The following ATRN variants were observed in gnomAD, a reference collection of about 807,000 sequenced individuals.
ATRN encodes attractin, also known as attractin-2.
In ATRN, 54 loss-of-function variants were observed where a neutral mutation model predicts 178.7. That is an observed-to-expected ratio of 0.30 (90% CI 0.24 to 0.38). The LOEUF is 0.38. Ranked by LOEUF, ATRN falls within the 10% of genes least tolerant of loss-of-function variation. The pLI, the probability that ATRN is intolerant of heterozygous loss-of-function variation, is 1.00. For synonymous variants in ATRN, 636 were observed against 663.0 expected, an observed-to-expected ratio of 0.96 and a Z score of 0.63; for missense variants, 1,443 against 1,815.1, an observed-to-expected ratio of 0.79 and a Z score of 3.73.
chr20:3,525,579 C>G (rs910860939), intron 1 of ATRN, among the ~76,000 whole-genome samples: 2 of 152,162 alleles, frequency 1.3e-5, no homozygotes, highest in African/African-American at 4.8e-5. Context: ...ACACCAAAAC[C>G]TGGCAGAGAC....
intron 25 of ATRN, among the ~76,000 whole-genome samples, chr20:3,631,051 A>C (rs2086986596): frequency 6.9e-6 from 1 of 145,572 alleles, no homozygotes; most frequent in Non-Finnish European, 1.5e-5. Context: ...GGTCTCAAGC[A>C]GTCCTCCTCA....
intron 24 of ATRN, among the ~76,000 whole-genome samples, chr20:3,613,894 A>G (rs6115962): frequency 0.015 from 2,308 of 151,774 alleles, 61 homozygotes; most frequent in African/African-American, 0.053. Flanking sequence ...ATTTTTTTAA[A>G]GCAAAGTAAC....
intron 1 of ATRN, among the ~76,000 whole-genome samples, chr20:3,525,937 C>G (rs1407468466): frequency 6.6e-6 from 1 of 152,156 alleles, no homozygotes; most frequent in Non-Finnish European, 1.5e-5. Context: ...GACCCACAGC[C>G]AATATCATAC....
intron 1 of ATRN, chr20:3,490,234 T>C: frequency 6.6e-7 from 1 of 1,516,508 alleles, no homozygotes; most frequent in East Asian, 2.3e-5. Context: ...CAGATTTCAA[T>C]CTGTCCAAAC....
intron 18 of ATRN, among the ~76,000 whole-genome samples, chr20:3,589,872 GC>G (rs1379239094): frequency 6.6e-6 from 1 of 152,198 alleles, no homozygotes; most frequent in South Asian, 2.1e-4. Flanking sequence ...TGTGGCAAGT[GC>G]CTCCCAGCCT....
chr20:3,617,643 A>AC (rs1365169714), intron 24 of ATRN, among the ~76,000 whole-genome samples: 9 of 152,062 alleles, frequency 5.9e-5, no homozygotes, highest in Non-Finnish European at 8.8e-5. Flanking sequence ...ATATAGTGAG[A>AC]CCCCCATCCC....
intron 23 of ATRN, among the ~76,000 whole-genome samples, chr20:3,603,059 A>G (rs143969576): frequency 1.3e-5 from 2 of 151,582 alleles, no homozygotes; most frequent in East Asian, 3.9e-4. Flanking sequence ...GGTCTAACTC[A>G]GACATGGAAA....
At chr20:3,604,372 G>T in intron 24 of ATRN, 110 bp downstream of exon 24, 1 of 1,306,026 alleles carries the variant, frequency 7.7e-7, no homozygotes, top group South Asian at 1.5e-5. Flanking sequence ...ATGTGGCTTT[G>T]CCTTTGTAAC....
chr20:3,576,847 A>G lies in ATRN; in HGVS notation c.2215-12A>G, dbSNP rs1407249632. On this transcript the variant is annotated splice_polypyrimidine_tract_variant and intron_variant, in intron 13 of 28. Transcript: ENST00000262919. ...GGATACAAAAGAAAAGCTTTTGTCC[A>G]CTGTGTTCTAGATCTCCATTTTTAG... The G allele has an allele frequency of 1.2e-6, 2 of 1,613,192 alleles. No individual in the cohort carries two copies. The highest frequency in any genetic ancestry group is 2.7e-5 in the African/African-American group (2 of 74,884).
chr20:3,503,592 A>G (rs2084993700), intron 1 of ATRN, among the ~76,000 whole-genome samples: 3 of 152,174 alleles, frequency 2.0e-5, no homozygotes, highest in Non-Finnish European at 2.9e-5. Context: ...AACAACAGGA[A>G]AAAAAATGCT....
At chr20:3,540,812 A>G (rs1236569022) in intron 3 of ATRN, among the ~76,000 whole-genome samples, 1 of 152,156 alleles carries the variant, frequency 6.6e-6, no homozygotes, top group Non-Finnish European at 1.5e-5. Flanking sequence ...AGTGAGGGAA[A>G]CTTTTTGGAA....
intron 6 of ATRN, among the ~76,000 whole-genome samples, chr20:3,551,637 C>G (rs2085788298): frequency 6.6e-6 from 1 of 152,036 alleles, no homozygotes; most frequent in Admixed American, 6.6e-5. Flanking sequence ...GTCCATAATT[C>G]ATTGATTCTT....
chr20:3,628,999 C>T, intron 25 of ATRN: 1 of 985,340 alleles, frequency 1.0e-6, no homozygotes. Flanking sequence ...TTCCATCCTT[C>T]CTCACCGGTG....
chr20:3,571,064 G>A (rs916991999), intron 11 of ATRN, among the ~76,000 whole-genome samples: 2 of 152,036 alleles, frequency 1.3e-5, no homozygotes, highest in African/African-American at 4.8e-5. Context: ...GTATATACTG[G>A]TGCTCACTCC....
At position 3,531,289 on chromosome 20, in the gene ATRN, A is replaced by G. The variant is rs145174779; in HGVS notation, c.411-3964A>G. 4.5e-4 allele frequency among the ~76,000 whole-genome samples: 69 copies of G among 152,342 alleles called. No individual in the cohort carries two copies. In the Middle Eastern group the frequency reaches 0.014, roughly 30 times the overall value. ...TGTGGGGAATAGCATATTCTCATACATTGCTGGTGCAAATGTGAATTGTTA... is the reference window on the plus strand; with the variant it reads ...TGTGGGGAATAGCATATTCTCATACGTTGCTGGTGCAAATGTGAATTGTTA... On this transcript the variant is annotated intron_variant, in intron 1 of 28. Coordinates refer to ENST00000262919, the MANE Select transcript of ATRN (RefSeq NM_139321.3).
intron 11 of ATRN, among the ~76,000 whole-genome samples, chr20:3,570,959 C>T (rs1358787567): frequency 6.6e-6 from 1 of 152,102 alleles, no homozygotes; most frequent in African/African-American, 2.4e-5. Context: ...TATTTGTGCA[C>T]GTTTGTGTGT....
At chr20:3,587,899 G>C (rs1050387581) in intron 18 of ATRN, among the ~76,000 whole-genome samples, 1 of 152,128 alleles carries the variant, frequency 6.6e-6, no homozygotes, top group Non-Finnish European at 1.5e-5. Flanking sequence ...AGGCTGGAGC[G>C]CAGTGGTGCT....
intron 8 of ATRN, among the ~76,000 whole-genome samples, chr20:3,561,532 G>T (rs553241038): frequency 2.0e-5 from 3 of 152,198 alleles, no homozygotes; most frequent in Non-Finnish European, 2.9e-5. Context: ...AAAAATATTT[G>T]CCCAGCCCTT....
chr20:3,501,574 C>T (rs1412836383), intron 1 of ATRN, among the ~76,000 whole-genome samples: 4 of 152,134 alleles, frequency 2.6e-5, no homozygotes, highest in Non-Finnish European at 5.9e-5. Flanking sequence ...AGTGCTCCAA[C>T]TGAGAACAAC....
Sources: gnomAD v4.1 joint callset for allele counts (sites outside exome capture counted in the v4.1 genomes callset) on GRCh38, gnomAD v4.1.1 for gene constraint, MANE v1.5 for transcripts, NCBI Gene and HGNC (gene_info 2026-07-23, HGNC 2026-07-21) for gene names.